ATP2A2: variants seen among roughly 807,000 people sequenced by gnomAD.
The protein encoded by ATP2A2 is sarcoplasmic/endoplasmic reticulum calcium ATPase 2.
Under a neutral mutation model 109.3 loss-of-function variants are expected in ATP2A2, and 14 were observed. The ratio of observed to expected loss-of-function variants is 0.13; its 90% CI spans 0.08 to 0.20. ATP2A2 has a LOEUF of 0.20. ATP2A2 is among the 10% of genes least tolerant of loss of function. The probability of loss-of-function intolerance (pLI) is 1.00; values close to 1 mark genes in which losing one functional copy is unlikely to be tolerated. For synonymous variants in ATP2A2, 506 were observed against 490.9 expected (o/e 1.03, Z -0.41); for missense variants, 657 against 1,321.6 (o/e 0.50, Z 7.80).
chr12:110,339,162 C>CT lies in ATP2A2; in HGVS notation c.1420-118dup. ...AAGTTTCATGAGGGCAAAAACCTGT[C>CT]TGTTTTGTTTATTGCTATATTCCTA... On this transcript the variant is annotated intron_variant, in intron 11 of 19. Coordinates refer to ENST00000539276, the MANE Select transcript of ATP2A2 (RefSeq NM_170665.4). This position sits in a 1 kb window ranked among gnomAD's most constrained non-coding sequence, Gnocchi z 4.4. 7.1e-7 allele frequency: 1 copy of CT among 1,405,860 alleles called. No individual in the cohort carries two copies. Among genetic ancestry groups the CT allele is most frequent in the Non-Finnish European group, 9.9e-7 (1 of 1,005,642 alleles). 87.1% of individuals were successfully genotyped at this position (1,405,860 alleles called of 1,614,324 possible). A position where few individuals can be genotyped will look rare whatever the true frequency, so the allele number is the denominator to read the frequency against.
intron 3 of ATP2A2, among the ~76,000 whole-genome samples, chr12:110,286,515 A>T (rs1323947033): frequency 6.6e-6 from 1 of 152,186 alleles, no homozygotes. Flanking sequence ...TTGTTTTCTC[A>T]TGCCTGAAAG....
At chr12:110,294,105 A>G (rs553444213) in intron 4 of ATP2A2, among the ~76,000 whole-genome samples, 92 of 151,424 alleles carry the variant, frequency 6.1e-4, no homozygotes, top group Non-Finnish European at 1.1e-3. Context: ...GTGCAGTGGC[A>G]TGATCTTGGC....
intron 10 of ATP2A2, 58 bp from the exon 11 acceptor site, chr12:110,333,954 T>TA: frequency 6.2e-7 from 1 of 1,609,932 alleles, no homozygotes; most frequent in Non-Finnish European, 8.5e-7. Context: ...ATATTAAAGA[T>TA]AAATTTATCT....
intron 15 of ATP2A2, 94 bp from the exon 16 acceptor site, chr12:110,343,138 A>C (rs1165677723): frequency 7.7e-7 from 1 of 1,296,706 alleles, no homozygotes; most frequent in Non-Finnish European, 1.1e-6. Context: ...GTTGTCATTT[A>C]TTTTTCTGGA....
chr12:110,294,075 ACT>A (rs1873691525), intron 4 of ATP2A2, among the ~76,000 whole-genome samples: 1 of 142,344 alleles, frequency 7.0e-6, no homozygotes, highest in African/African-American at 2.6e-5. Flanking sequence ...ACAGAGTCTC[ACT>A]CTGTCACCCA....
chr12:110,288,277 T>A (rs1318638456), intron 3 of ATP2A2, among the ~76,000 whole-genome samples: 1 of 151,574 alleles, frequency 6.6e-6, no homozygotes, highest in African/African-American at 2.4e-5. Flanking sequence ...AAAAAAAAAT[T>A]TTTTTTTATA....
At chr12:110,328,164 G>A (rs1877987077) in intron 8 of ATP2A2, 147 bp downstream of exon 8, 2 of 835,880 alleles carry the variant, frequency 2.4e-6, no homozygotes, top group Non-Finnish European at 3.8e-6. Flanking sequence ...TAATATTTGA[G>A]AGGATCTAAT....
At chr12:110,307,222 C>CTT (rs113642254) in intron 5 of ATP2A2, among the ~76,000 whole-genome samples, 6,849 of 126,390 alleles carry the variant, frequency 0.054, 505 homozygotes, top group African/African-American at 0.15. Context: ...GCCCCACCAC[C>CTT]TTTTTTTTTT....
intron 3 of ATP2A2, among the ~76,000 whole-genome samples, chr12:110,283,259 AATG>A (rs1271967788): frequency 3.9e-5 from 6 of 152,360 alleles, no homozygotes; most frequent in South Asian, 2.1e-4. Flanking sequence ...CGGTGACAAG[AATG>A]ATGACGGCTG....
intron 6 of ATP2A2, among the ~76,000 whole-genome samples, chr12:110,325,173 TTATC>T (rs1322881708): frequency 6.6e-6 from 1 of 152,202 alleles, no homozygotes; most frequent in Non-Finnish European, 1.5e-5. Context: ...TTCTCGAATA[TTATC>T]TTTCTTTCAT....
chr12:110,282,664 G>A (rs772670709), intron 2 of ATP2A2, 43 bp downstream of exon 2: 3 of 1,613,548 alleles, frequency 1.9e-6, no homozygotes, highest in Middle Eastern at 1.6e-4. Context: ...CTCTGTTGGT[G>A]TGCTGATGGT....
At chr12:110,343,836 C>T (rs1013208443) in intron 16 of ATP2A2, among the ~76,000 whole-genome samples, 2 of 152,170 alleles carry the variant, frequency 1.3e-5, no homozygotes, top group African/African-American at 4.8e-5. Context: ...GTGGCTGGTC[C>T]CTTTTATATA....
chr12:110,350,101 T>G lies in ATP2A2; in HGVS notation c.*3631T>G. 6.8e-7 allele frequency: 1 copy of G among 1,471,976 alleles called. No homozygotes were observed. Among genetic ancestry groups the G allele is most frequent in the African/African-American group, 1.4e-5 (1 of 70,998 alleles). The allele number at this position is 1,471,976 out of a possible 1,614,324, so 91.2% of individuals were successfully genotyped here. On this transcript the variant is annotated 3_prime_UTR_variant, in exon 20 of 20. Coordinates refer to ENST00000539276, the MANE Select transcript of ATP2A2 (RefSeq NM_170665.4). ...GAGTCTGTGTCACTGAGCCAGTGCTTCTAGATGCTACCCTGTGTGGGCGGC... is the reference window on the plus strand; with the variant it reads ...GAGTCTGTGTCACTGAGCCAGTGCTGCTAGATGCTACCCTGTGTGGGCGGC...
intron 5 of ATP2A2, among the ~76,000 whole-genome samples, chr12:110,315,578 T>C (rs1460904478): frequency 2.6e-5 from 4 of 152,182 alleles, no homozygotes; most frequent in Admixed American, 6.6e-5. Flanking sequence ...TTGTAACTTA[T>C]CCAGGAGCAT....
chr12:110,332,581 C>A lies in ATP2A2; in HGVS notation c.1096-16C>A. The A allele has an allele frequency of 6.3e-7, 1 of 1,588,328 alleles. No homozygotes were observed. Among genetic ancestry groups the A allele is most frequent in the Non-Finnish European group, 8.6e-7 (1 of 1,156,618 alleles). On this transcript the variant is annotated splice_polypyrimidine_tract_variant and intron_variant, in intron 8 of 19. Coordinates refer to ENST00000539276, the MANE Select transcript of ATP2A2 (RefSeq NM_170665.4). ...AAAATCCCTTTTAAATACTCTGATG[C>A]GCTCTCCCCCTACAGATGTTCATTC...
At position 110,343,438 on chromosome 12, in the gene ATP2A2, A is replaced by C. The variant is rs191745868; in HGVS notation, c.2521+4A>C. The C allele has an allele frequency of 1.2e-6, 2 of 1,613,874 alleles. No homozygotes were observed. Among genetic ancestry groups the C allele is most frequent in the Middle Eastern group, 1.7e-4 (1 of 6,060 alleles). ...TTCCGTTACTTGGCTATTGGCTGTG[A>C]GTACAATTTTTTTATATTACTGATT... On this transcript the variant is annotated splice_donor_region_variant and intron_variant, in intron 16 of 19. Transcript: ENST00000539276.
At position 110,292,103 on chromosome 12, in the gene ATP2A2, T is replaced by C. The variant is rs886048950; in HGVS notation, c.303T>C (p.Asn101=). The change falls in exon 4 of 20, where the codon AAT becomes AAC. Residue 101 remains asparagine (N), a synonymous_variant. Coordinates refer to ENST00000539276, the MANE Select transcript of ATP2A2 (RefSeq NM_170665.4). ...TAATTTTACTCATATTAGTAGCCAA[T>C]GCAATTGTGGGTGTATGGCAGGTAA... ...PFVILLILVA[N]AIVGVWQERN... is the part of the protein sequence containing the mutation. 12 of 1,614,130 alleles carry C rather than the reference T, an allele frequency of 7.4e-6. No homozygotes were observed. Among genetic ancestry groups the C allele is most frequent in the African/African-American group, 1.3e-5 (1 of 75,070 alleles).
chr12:110,288,498 G>A (rs776219679), intron 3 of ATP2A2, among the ~76,000 whole-genome samples: 2 of 151,728 alleles, frequency 1.3e-5, no homozygotes, highest in South Asian at 2.1e-4. Context: ...TCTGCCTCCC[G>A]GGGTCAAGCG....
intron 5 of ATP2A2, among the ~76,000 whole-genome samples, chr12:110,321,652 C>G (rs1877257184): frequency 6.6e-6 from 1 of 152,172 alleles, no homozygotes; most frequent in Admixed American, 6.5e-5. Context: ...CCAGACTGGT[C>G]TCGAACTCCT....
Sources: gnomAD v4.1 joint callset for allele counts (sites outside exome capture counted in the v4.1 genomes callset) on GRCh38, gnomAD v4.1.1 for gene constraint, Gnocchi (gnomAD v3.1) non-coding constraint, MANE v1.5 for transcripts, NCBI Gene and HGNC (gene_info 2026-07-23, HGNC 2026-07-21) for gene names.